The following PDZRN3 variants were observed in gnomAD, a reference collection of about 807,000 sequenced individuals.
PDZRN3 encodes the protein E3 ubiquitin-protein ligase PDZRN3.
A neutral mutation model predicts 85.7 loss-of-function variants in PDZRN3; 38 were observed. The ratio of observed to expected loss-of-function variants is 0.44; its 90% CI spans 0.34 to 0.58. PDZRN3 has a LOEUF of 0.58. PDZRN3 is among the 20% of genes least tolerant of loss of function. The pLI is 0.01. For missense variants in PDZRN3, 1,629 were observed against 1,506.4 expected, an observed-to-expected ratio of 1.08 and a Z score of -1.35; for synonymous variants, 759 against 638.0, an observed-to-expected ratio of 1.19 and a Z score of -2.86.
chr3:73,489,968 C>G (rs1467364002), intron 3 of PDZRN3, among the ~76,000 whole-genome samples: 1 of 152,190 alleles, frequency 6.6e-6, no homozygotes, highest in Non-Finnish European at 1.5e-5. Flanking sequence ...AAATAATGAT[C>G]TGATTTTGTG....
At chr3:73,437,781 T>C (rs1020647509) in intron 3 of PDZRN3, among the ~76,000 whole-genome samples, 16 of 152,212 alleles carry the variant, frequency 1.1e-4, no homozygotes, top group Non-Finnish European at 2.2e-4. Context: ...AGAATGGTGT[T>C]TTATTTTCAA....
chr3:73,415,836 T>C (rs1276841388), intron 3 of PDZRN3, among the ~76,000 whole-genome samples: 2 of 152,314 alleles, frequency 1.3e-5, no homozygotes, highest in East Asian at 3.9e-4. Context: ...ATATGTGTAA[T>C]GAAGTGATTA....
At chr3:73,591,049 A>C (rs1702350402) in intron 3 of PDZRN3, among the ~76,000 whole-genome samples, 1 of 152,200 alleles carries the variant, frequency 6.6e-6, no homozygotes, top group Non-Finnish European at 1.5e-5. Context: ...AGTATCAGTA[A>C]GGGTTTCTAT....
chr3:73,510,481 G>C (rs574721321), intron 3 of PDZRN3, among the ~76,000 whole-genome samples: 2 of 152,332 alleles, frequency 1.3e-5, no homozygotes, highest in East Asian at 3.9e-4. Flanking sequence ...AATAAATAAA[G>C]CATGTGCTCT....
At chr3:73,576,080 G>C (rs1004750195) in intron 3 of PDZRN3, among the ~76,000 whole-genome samples, 1 of 151,582 alleles carries the variant, frequency 6.6e-6, no homozygotes, top group Non-Finnish European at 1.5e-5. Context: ...TATGTCCTTT[G>C]GAAGAAATTA....
chr3:73,571,474 G>A (rs1456459226), intron 3 of PDZRN3, among the ~76,000 whole-genome samples: 1 of 152,134 alleles, frequency 6.6e-6, no homozygotes, highest in Admixed American at 6.5e-5. Context: ...AGACACATTC[G>A]CAGCAAATGC....
At chr3:73,469,088 T>C (rs1703282085) in intron 3 of PDZRN3, among the ~76,000 whole-genome samples, 2 of 151,912 alleles carry the variant, frequency 1.3e-5, no homozygotes, top group Non-Finnish European at 2.9e-5. Flanking sequence ...TTTTTTTTTT[T>C]TTTGAGATGA....
chr3:73,608,633 G>A lies in PDZRN3; in HGVS notation c.775C>T (p.Leu259=), dbSNP rs537733555. ...CGGCCACCAATAATATTGAATCCCA[G>A]GGAGCCGGAGTCCCGATGCAGGACA... The part of the protein sequence containing the change: ...TLVLHRDSGS[L]GFNIIGGRPS... Residue 259 remains leucine, a synonymous_variant, in exon 2 of 10, where the codon CTG becomes TTG. Transcript: ENST00000263666. 1 of 1,612,984 alleles carries A rather than the reference G, an allele frequency of 6.2e-7. No individual in the cohort carries two copies. The highest frequency in any genetic ancestry group is 1.1e-5 in the South Asian group (1 of 90,890).
chr3:73,603,980 C>T (rs542126186), intron 2 of PDZRN3, among the ~76,000 whole-genome samples: 6 of 151,988 alleles, frequency 3.9e-5, no homozygotes, highest in African/African-American at 1.2e-4. Context: ...AGTGTTTTTC[C>T]TGACATTTAT....
At chr3:73,547,408 C>G (rs573847977) in intron 3 of PDZRN3, among the ~76,000 whole-genome samples, 9 of 152,266 alleles carry the variant, frequency 5.9e-5, no homozygotes, top group Admixed American at 4.6e-4. Flanking sequence ...TGTCATGGTC[C>G]CAGTGAAAAG....
At chr3:73,498,312 G>C (rs1211839269) in intron 3 of PDZRN3, among the ~76,000 whole-genome samples, 4 of 152,146 alleles carry the variant, frequency 2.6e-5, no homozygotes, top group Non-Finnish European at 5.9e-5. Flanking sequence ...TCCCAGCTGG[G>C]ATAAGTAGAC....
chr3:73,448,216 A>C (rs1032189810), intron 3 of PDZRN3, among the ~76,000 whole-genome samples: 6 of 152,180 alleles, frequency 3.9e-5, no homozygotes, highest in Non-Finnish European at 7.4e-5. Context: ...AGCACATGCC[A>C]TTGTGACCTG....
chr3:73,510,317 T>C (rs1704140800), intron 3 of PDZRN3, among the ~76,000 whole-genome samples: 2 of 152,186 alleles, frequency 1.3e-5, no homozygotes, highest in South Asian at 4.1e-4. Flanking sequence ...TTACGTCTGG[T>C]CTTGCCTGGA....
At chr3:73,463,992 T>C (rs1703160430) in intron 3 of PDZRN3, among the ~76,000 whole-genome samples, 1 of 152,178 alleles carries the variant, frequency 6.6e-6, no homozygotes, top group Non-Finnish European at 1.5e-5. Context: ...TTTTTATTTA[T>C]TTATTTATTT....
At chr3:73,454,657 G>C (rs1164400123) in intron 3 of PDZRN3, among the ~76,000 whole-genome samples, 1 of 152,166 alleles carries the variant, frequency 6.6e-6, no homozygotes, top group South Asian at 2.1e-4. Context: ...GGACCAAGGA[G>C]GCCAAGAATA....
At chr3:73,512,688 G>A (rs1311306913) in intron 3 of PDZRN3, among the ~76,000 whole-genome samples, 1 of 152,092 alleles carries the variant, frequency 6.6e-6, no homozygotes, top group Non-Finnish European at 1.5e-5. Flanking sequence ...AACCCTTCTG[G>A]AGGCTTAGAA....
chr3:73,430,814 C>A (rs529817996), intron 3 of PDZRN3, among the ~76,000 whole-genome samples: 1 of 152,294 alleles, frequency 6.6e-6, no homozygotes, highest in South Asian at 2.1e-4. Flanking sequence ...TTAATTTATC[C>A]AAGTAGGAGA....
At chr3:73,552,852 C>T (rs748345517) in intron 3 of PDZRN3, among the ~76,000 whole-genome samples, 2 of 152,216 alleles carry the variant, frequency 1.3e-5, no homozygotes, top group Non-Finnish European at 2.9e-5. Context: ...ATAAACAACA[C>T]AGTCCTACCG....
Position 73,384,183 on chromosome 3 carries a change from C to T in PDZRN3, c.2383G>A (p.Val795Met). 1 of 1,614,070 alleles carries T rather than the reference C, an allele frequency of 6.2e-7. No homozygotes were observed. Among genetic ancestry groups the T allele is most frequent in the African/African-American group, 1.3e-5 (1 of 75,076 alleles). Residue 795 changes from valine (V) to methionine (M), a missense_variant, in exon 10 of 10, where the codon GTG (valine) becomes ATG (methionine). Physicochemically the swap from Val to Met is conservative, Grantham distance 21 (BLOSUM62 1). Transcript: ENST00000263666. ...GISCPSSEGAVGTTEAYGPAS... is the reference protein window; with the variant it reads ...GISCPSSEGAMGTTEAYGPAS... ...GGCCCGTAGGCTTCCGTGGTCCCCA[C>T]AGCCCCTTCGCTGCTCGGGCAGCTG...
Sources: allele counts gnomAD v4.1 joint callset (sites outside exome capture counted in the v4.1 genomes callset), GRCh38; gene constraint gnomAD v4.1.1; transcripts MANE v1.5; gene names NCBI Gene and HGNC (gene_info 2026-07-23, HGNC 2026-07-21).